CFTR: variants seen among roughly 807,000 people sequenced by gnomAD.
CFTR encodes the protein cystic fibrosis transmembrane conductance regulator.
In CFTR, 181 loss-of-function variants were observed where a neutral mutation model predicts 171.6. The observed-to-expected ratio is 1.05, with a 90% confidence interval of 0.93 to 1.19. The LOEUF (loss-of-function observed/expected upper bound fraction) is 1.19. CFTR is among the 50% of genes most tolerant of loss of function. CFTR has a pLI of 0.00. For missense variants in CFTR, 1,968 were observed against 1,734.7 expected, an observed-to-expected ratio of 1.13 and a Z score of -2.39; for synonymous variants, 583 against 608.0, an observed-to-expected ratio of 0.96 and a Z score of 0.60.
intron 11 of CFTR, among the ~76,000 whole-genome samples, chr7:117,579,471 T>G (rs2115995632): frequency 6.6e-6 from 1 of 151,982 alleles, no homozygotes; most frequent in East Asian, 1.9e-4. Context: ...ATGTTATCTT[T>G]GGGATAACAT....
intron 11 of CFTR, among the ~76,000 whole-genome samples, chr7:117,577,956 G>A (rs1791795661): frequency 6.6e-6 from 1 of 152,024 alleles, no homozygotes; most frequent in Non-Finnish European, 1.5e-5. Flanking sequence ...GTCTATCTTA[G>A]CACCATAATA....
intron 11 of CFTR, among the ~76,000 whole-genome samples, chr7:117,566,393 C>A (rs1009228380): frequency 5.3e-5 from 8 of 151,944 alleles, no homozygotes; most frequent in African/African-American, 1.7e-4. Context: ...TGAGATTGCG[C>A]CACTGCACTC....
intron 1 of CFTR, among the ~76,000 whole-genome samples, chr7:117,486,468 C>T (rs1427970668): frequency 6.6e-6 from 1 of 152,064 alleles, no homozygotes; most frequent in East Asian, 1.9e-4. Flanking sequence ...TAAGGCTGGT[C>T]AAGGAAGGCT....
intron 5 of CFTR, among the ~76,000 whole-genome samples, chr7:117,534,966 A>G (rs943144775): frequency 6.6e-6 from 1 of 152,220 alleles, no homozygotes; most frequent in Admixed American, 6.5e-5. Flanking sequence ...AAACCTGGAC[A>G]TGATACTTAA....
At chr7:117,487,213 T>G (rs1798089449) in intron 1 of CFTR, among the ~76,000 whole-genome samples, 1 of 152,116 alleles carries the variant, frequency 6.6e-6, no homozygotes, top group African/African-American at 2.4e-5. Flanking sequence ...GAGCTTAGTC[T>G]TAGGTAAGAG....
intron 4 of CFTR, among the ~76,000 whole-genome samples, chr7:117,531,479 G>T (rs35802833): frequency 9.2e-5 from 14 of 152,028 alleles, no homozygotes; most frequent in African/African-American, 3.1e-4. Flanking sequence ...TTTATGTTCA[G>T]CAAGAAGAGT....
chr7:117,666,239 G>A (rs1793374664), intron 26 of CFTR, among the ~76,000 whole-genome samples: 1 of 152,146 alleles, frequency 6.6e-6, no homozygotes, highest in South Asian at 2.1e-4. Flanking sequence ...TTCAAGTGAT[G>A]TTTACAAATT....
Position 117,665,530 on chromosome 7 carries a change from G to A in CFTR, c.4208G>A (p.Arg1403Lys), listed in dbSNP as rs780396890. 26 of 1,613,012 alleles carry A rather than the reference G, an allele frequency of 1.6e-5. No homozygotes were observed. Among genetic ancestry groups the A allele is most frequent in the Non-Finnish European group, 1.9e-5 (22 of 1,179,304 alleles). ...ADCTVILCEH[R>K]IEAMLECQQF... ...TGCACAGTAATTCTCTGTGAACACA[G>A]GATAGAAGCAATGCTGGAATGCCAA... Residue 1403 changes from arginine to lysine, a missense_variant, in exon 26 of 27, where the codon AGG (arginine) becomes AAG (lysine). Physicochemically the swap from Arg to Lys is conservative, Grantham distance 26. Coordinates refer to ENST00000003084, the MANE Select transcript of CFTR (RefSeq NM_000492.4).
At chr7:117,634,066 A>G (rs1186099886) in intron 22 of CFTR, among the ~76,000 whole-genome samples, 1 of 152,094 alleles carries the variant, frequency 6.6e-6, no homozygotes, top group Non-Finnish European at 1.5e-5. Context: ...GCAGAGAATT[A>G]GTAAAATTCC....
intron 9 of CFTR, among the ~76,000 whole-genome samples, chr7:117,548,333 GGT>G (rs3034794): frequency 0.011 from 1,620 of 143,656 alleles, 14 homozygotes; most frequent in Middle Eastern, 0.018. Context: ...AGGAGAAGAG[GGT>G]GTGTGTGTGT....
intron 1 of CFTR, among the ~76,000 whole-genome samples, chr7:117,481,586 C>CA (rs1798001739): frequency 6.6e-6 from 1 of 152,094 alleles, no homozygotes; most frequent in African/African-American, 2.4e-5. Context: ...GGCTGGTTTG[C>CA]AAAGAAAATG....
chr7:117,614,802 G>A (rs532182081), intron 21 of CFTR, 89 bp downstream of exon 21: 13 of 808,626 alleles, frequency 1.6e-5, no homozygotes, highest in Middle Eastern at 2.5e-4. Context: ...ACTATATACC[G>A]TATATTGAGC....
intron 11 of CFTR, among the ~76,000 whole-genome samples, chr7:117,583,782 A>G (rs1791888429): frequency 6.6e-6 from 1 of 151,218 alleles, no homozygotes. Flanking sequence ...CTAGTTTACA[A>G]CCCCACCAGC....
intron 3 of CFTR, among the ~76,000 whole-genome samples, chr7:117,520,076 T>C (rs1269189828): frequency 6.6e-6 from 1 of 151,972 alleles, no homozygotes; most frequent in Non-Finnish European, 1.5e-5. Context: ...TCATTTGCAT[T>C]ACTTTTGGTT....
chr7:117,508,867 C>T (rs1288951113), intron 2 of CFTR, among the ~76,000 whole-genome samples, 167 bp from the exon 3 acceptor site: 2 of 152,194 alleles, frequency 1.3e-5, no homozygotes, highest in Admixed American at 6.5e-5. Context: ...TGCCAAATAT[C>T]TGGCTGAGTG....
At chr7:117,513,962 TA>T (rs746999122) in intron 3 of CFTR, among the ~76,000 whole-genome samples, 2 of 152,190 alleles carry the variant, frequency 1.3e-5, no homozygotes, top group African/African-American at 2.4e-5. Context: ...AACTCTGCCC[TA>T]CCCCAGAAAA....
At chr7:117,486,616 T>A (rs1261148489) in intron 1 of CFTR, among the ~76,000 whole-genome samples, 1 of 151,924 alleles carries the variant, frequency 6.6e-6, no homozygotes, top group Non-Finnish European at 1.5e-5. Context: ...CATGGCACCT[T>A]CAAAATATCC....
At chr7:117,516,648 A>C (rs1054392468) in intron 3 of CFTR, among the ~76,000 whole-genome samples, 3 of 151,996 alleles carry the variant, frequency 2.0e-5, no homozygotes, top group Non-Finnish European at 4.4e-5. Context: ...TTCAAATATT[A>C]GTTTTTGTTT....
chr7:117,604,704 G>A (rs1382336059), intron 17 of CFTR: 3 of 152,220 alleles, frequency 2.0e-5, no homozygotes, highest in Admixed American at 2.0e-4. Context: ...TGAAGCCCAT[G>A]TGTGTTGCTG....
Sources: allele counts gnomAD v4.1 joint callset (sites outside exome capture counted in the v4.1 genomes callset), GRCh38; gene constraint gnomAD v4.1.1; transcripts MANE v1.5; gene names NCBI Gene and HGNC (gene_info 2026-07-23, HGNC 2026-07-21).